NCK1: variants seen among roughly 807,000 people sequenced by gnomAD.
NCK1 encodes the protein NCK adaptor protein 1, also known as SH2/SH3 adapter protein NCK1.
In NCK1, 19 loss-of-function variants were observed where a neutral mutation model predicts 36.6. The observed-to-expected ratio is 0.52, with a 90% confidence interval of 0.36 to 0.76. The LOEUF is 0.76. Among genes scored for constraint, NCK1 ranks in the 30% least tolerant of loss-of-function variants. The probability of loss-of-function intolerance (pLI) is 0.00; values close to 1 mark genes in which losing one functional copy is unlikely to be tolerated. For missense variants in NCK1, 358 were observed against 445.6 expected, an observed-to-expected ratio of 0.80 and a Z score of 1.77; for synonymous variants, 165 against 156.0, an observed-to-expected ratio of 1.06 and a Z score of -0.43.
Position 136,912,230 on chromosome 3 carries a change from T to C in NCK1, c.-18-15754T>C, listed in dbSNP as rs148174553. Among the ~76,000 whole-genome samples the C allele has an allele frequency of 9.4e-3, 1,408 of 150,262 alleles. 25 individuals are homozygous for C. The highest frequency in any genetic ancestry group is 0.032 in the African/African-American group (1,284 of 40,488). ...CAGGCTGGAGTGCAGTGGTGTGATC[T>C]TGGCTCACTGCAACCTCTGCCTTCC... On this transcript the variant is annotated intron_variant, in intron 1 of 3. Coordinates refer to ENST00000481752, the MANE Select transcript of NCK1 (RefSeq NM_001291999.2).
chr3:136,868,573 C>T (rs1051710102), intron 1 of NCK1, among the ~76,000 whole-genome samples: 3 of 152,302 alleles, frequency 2.0e-5, no homozygotes, highest in Admixed American at 1.3e-4. Context: ...GTTAATCAGC[C>T]TGCTTTGGCC....
chr3:136,863,314 G>T (rs577004674), intron 1 of NCK1, among the ~76,000 whole-genome samples: 1 of 152,156 alleles, frequency 6.6e-6, no homozygotes, highest in African/African-American at 2.4e-5. Context: ...TTTGATAGAC[G>T]TATGACAAAC....
chr3:136,917,311 T>C (rs1939994088), intron 1 of NCK1, among the ~76,000 whole-genome samples: 1 of 151,834 alleles, frequency 6.6e-6, no homozygotes. Context: ...TCCAGTATGA[T>C]CCAGGGAAAC....
rs912701870 is a variant in NCK1 at position 136,923,546 on chromosome 3, C to T, written c.-18-4438C>T. Among the ~76,000 whole-genome samples the T allele has an allele frequency of 4.7e-5, 6 of 128,762 alleles. No individual in the cohort carries two copies. The South Asian group carries it at 9.3e-4, about 20-fold the overall frequency. 84.5% of individuals were successfully genotyped at this position (128,762 alleles called of 152,430 possible). A position where few individuals can be genotyped will look rare whatever the true frequency, so the allele number is the denominator to read the frequency against. ...CTCCAGCCTGGGTGACAGTGCAGTG[C>T]GAGACTCCGTCTCAAATAAATAAAT... On this transcript the variant is annotated intron_variant, in intron 1 of 3. Transcript: ENST00000481752.
chr3:136,886,655 C>T (rs1939080922), intron 1 of NCK1, among the ~76,000 whole-genome samples: 1 of 151,980 alleles, frequency 6.6e-6, no homozygotes, highest in African/African-American at 2.4e-5. Flanking sequence ...AGATGTCATA[C>T]AGTTTTGTCT....
rs1228584580 is a variant in NCK1 at position 136,948,349 on chromosome 3, C to T, written c.1030C>T (p.Arg344Cys). Residue 344 changes from arginine (R) to cysteine (C), a missense_variant, in exon 4 of 4, where the codon CGT becomes TGT. Physicochemically the swap from Arg to Cys is radical, Grantham distance 180. Transcript: ENST00000481752. Reference sequence around the variant, plus strand: ...AGAGACTGTCTACTGCATTGGGCAGCGTAAATTCAGCACCATGGAAGAACT... The same window carrying T: ...AGAGACTGTCTACTGCATTGGGCAGTGTAAATTCAGCACCATGGAAGAACT... ...LKETVYCIGQ[R>C]KFSTMEELVE... The T allele has an allele frequency of 2.5e-6, 4 of 1,612,930 alleles. No homozygotes were observed. The highest frequency in any genetic ancestry group is 2.5e-6 in the Non-Finnish European group (3 of 1,179,314).
chr3:136,898,978 A>C (rs1576962133), intron 1 of NCK1: 1 of 153,592 alleles, frequency 6.5e-6, no homozygotes, highest in Admixed American at 6.5e-5. Flanking sequence ...TTGTATTACA[A>C]TACCTGCCTC....
At chr3:136,881,219 A>G (rs560951324) in intron 1 of NCK1, among the ~76,000 whole-genome samples, 17 of 152,012 alleles carry the variant, frequency 1.1e-4, no homozygotes, top group Admixed American at 5.2e-4. Flanking sequence ...TTGGCCTCTT[A>G]TTTTATTTAA....
At chr3:136,867,137 C>T (rs71630061) in intron 1 of NCK1, among the ~76,000 whole-genome samples, 5 of 19,060 alleles carry the variant, frequency 2.6e-4, no homozygotes, top group Non-Finnish European at 6.1e-4. Flanking sequence ...TCTTTCCTTC[C>T]TTCCTTCCTT....
intron 2 of NCK1, among the ~76,000 whole-genome samples, chr3:136,929,321 T>A (rs1156275248): frequency 1.3e-5 from 2 of 152,240 alleles, no homozygotes; most frequent in Non-Finnish European, 2.9e-5. Context: ...TTTTAACCAT[T>A]GTAAAACTGC....
In NCK1 at chr3:136,948,364, A is replaced by G. The variant is rs768967319; in HGVS notation, c.1045A>G (p.Met349Val). 3.1e-6 allele frequency: 5 copies of G among 1,613,350 alleles called. No individual in the cohort carries two copies. The highest frequency in any genetic ancestry group is 4.2e-6 in the Non-Finnish European group (5 of 1,179,418). The change falls in exon 4 of 4, where the codon ATG becomes GTG. Residue 349 changes from methionine (M) to valine (V), a missense_variant. Physicochemically the swap from Met to Val is conservative, Grantham distance 21. This residue lies in a region of NCK1 where 207 missense variants were observed against 253.4 expected (regional missense o/e 0.82). Coordinates refer to ENST00000481752, the MANE Select transcript of NCK1 (RefSeq NM_001291999.2). Reference protein sequence around the residue: ...YCIGQRKFSTMEELVEHYKKA... With the variant: ...YCIGQRKFSTVEELVEHYKKA... ...CATTGGGCAGCGTAAATTCAGCACC[A>G]TGGAAGAACTTGTAGAACATTACAA... is the stretch of plus-strand genomic sequence containing the variant.
chr3:136,930,647 T>TG, intron 2 of NCK1: 1 of 1,350,976 alleles, frequency 7.4e-7, no homozygotes, highest in South Asian at 1.7e-5. Flanking sequence ...GTGAATTAGA[T>TG]TTTCTGCTTT....
At chr3:136,935,237 A>T (rs1311185084) in intron 2 of NCK1, among the ~76,000 whole-genome samples, 1 of 152,138 alleles carries the variant, frequency 6.6e-6, no homozygotes, top group Non-Finnish European at 1.5e-5. Flanking sequence ...TCTTAGACAT[A>T]ATGTTTTTAA....
At chr3:136,916,077 A>G (rs1021358986) in intron 1 of NCK1, among the ~76,000 whole-genome samples, 1 of 152,166 alleles carries the variant, frequency 6.6e-6, no homozygotes. Flanking sequence ...TCATGGAACA[A>G]CAGCTATCAC....
chr3:136,933,377 T>C (rs966842478), intron 2 of NCK1, among the ~76,000 whole-genome samples: 1 of 152,194 alleles, frequency 6.6e-6, no homozygotes, highest in East Asian at 1.9e-4. Context: ...GGAATAGTTA[T>C]GGGTACAAAG....
At chr3:136,915,082 C>A (rs1939924171) in intron 1 of NCK1, among the ~76,000 whole-genome samples, 2 of 152,130 alleles carry the variant, frequency 1.3e-5, no homozygotes, top group Non-Finnish European at 2.9e-5. Context: ...AACTTTCTAG[C>A]CATGAGAATT....
chr3:136,904,602 G>T (rs915833048), intron 1 of NCK1, among the ~76,000 whole-genome samples: 1 of 152,084 alleles, frequency 6.6e-6, no homozygotes, highest in Admixed American at 6.5e-5. Context: ...TTGATTTTTT[G>T]ACAGTTTGAA....
intron 1 of NCK1, among the ~76,000 whole-genome samples, chr3:136,894,723 A>G (rs928500230): frequency 1.3e-5 from 2 of 152,124 alleles, no homozygotes; most frequent in African/African-American, 4.8e-5. Context: ...CTGGAATGCA[A>G]AGGTTCCAAT....
chr3:136,902,646 C>T (rs1345973773), intron 1 of NCK1, among the ~76,000 whole-genome samples: 1 of 152,104 alleles, frequency 6.6e-6, no homozygotes, highest in Non-Finnish European at 1.5e-5. Flanking sequence ...AATGTGTTCA[C>T]AGTGGGGTGC....
Sources: gnomAD v4.1 joint callset for allele counts (sites outside exome capture counted in the v4.1 genomes callset) on GRCh38, gnomAD v4.1.1 for gene constraint, gnomAD v4.1.1 regional missense constraint, MANE v1.5 for transcripts, NCBI Gene and HGNC (gene_info 2026-07-23, HGNC 2026-07-21) for gene names.